NEB: variants seen among roughly 807,000 people sequenced by gnomAD.
NEB encodes nemaline myopathy type 2.
NEB carries 512 observed loss-of-function variants against 952.2 expected under a neutral mutation model. The observed-to-expected ratio is 0.54, with a 90% CI of 0.50 to 0.58. NEB has a LOEUF of 0.58. Ranked by LOEUF, NEB falls within the 20% of genes least tolerant of loss-of-function variation. NEB has a pLI of 0.00. For missense variants in NEB, 8,428 were observed against 9,231.1 expected, an observed-to-expected ratio of 0.91 and a Z score of 3.56; for synonymous variants, 2,900 against 3,149.8, an observed-to-expected ratio of 0.92 and a Z score of 2.66.
Position 151,565,766 on chromosome 2 carries a change from C to T in NEB, c.18211G>A (p.Asp6071Asn). The change falls in exon 115 of 182, where the codon GAT becomes AAT. Residue 6071 changes from aspartate to asparagine, a missense_variant. By Grantham distance (23) the Asp-to-Asn change is conservative. Around this residue, in one of 11 missense-constraint regions of NEB, gnomAD observed 3,374 missense variants for 3,651.5 expected, o/e 0.92. Transcript: ENST00000397345. ...GTAACCCTTACATGGTCCACAGAAT[C>T]CAGTGGGATCCAGCCAATGCCTCGG... The part of the protein sequence containing the change: ...WLRGIGWIPL[D>N]SVDHVRVTKN... The T allele has an allele frequency of 6.2e-7, 1 of 1,612,464 alleles. No individual in the cohort carries two copies. The highest frequency in any genetic ancestry group is 8.5e-7 in the Non-Finnish European group (1 of 1,179,286).
At chr2:151,650,936 C>A in intron 52 of NEB, 51 bp from the exon 53 acceptor site, 1 of 1,473,088 alleles carries the variant, frequency 6.8e-7, no homozygotes, top group South Asian at 1.4e-5. Flanking sequence ...CCAAGTTAAG[C>A]TCAACTTGCT....
At chr2:151,679,066 C>T (rs2099395401) in intron 32 of NEB, among the ~76,000 whole-genome samples, 1 of 152,084 alleles carries the variant, frequency 6.6e-6, no homozygotes, top group African/African-American at 2.4e-5. Context: ...GAGCTCAAGC[C>T]AGCCAGGAGC....
chr2:151,609,894 TAATC>T lies in NEB; in HGVS notation c.12241_12244del (p.Asp4081IlefsTer52). 6.2e-7 allele frequency: 1 copy of T among 1,613,836 alleles called. No individual in the cohort carries two copies. Among genetic ancestry groups the T allele is most frequent in the Non-Finnish European group, 8.5e-7 (1 of 1,179,736 alleles). On this transcript the variant is annotated frameshift_variant, in exon 81 of 182. Coordinates refer to ENST00000397345, the MANE Select transcript of NEB (RefSeq NM_001164508.2). LOFTEE classifies it high-confidence loss of function. The stretch of plus-strand genomic sequence containing the variant: ...TGTCCATTCATGCAGGTAATTGCGA[TAATC>T]AATGTCAGTGACCAAAGTCTGACAT...
chr2:151,567,347 A>G lies in NEB; in HGVS notation c.17977T>C (p.Tyr5993His). The G allele has an allele frequency of 6.2e-7, 1 of 1,613,900 alleles. No individual in the cohort carries two copies. The highest frequency in any genetic ancestry group is 1.1e-5 in the South Asian group (1 of 91,082). ...IQNERLYKEDYHKTKAKINIP... is the reference protein window; with the variant it reads ...IQNERLYKEDHHKTKAKINIP... Reference sequence around the variant, plus strand: ...TTGATTTTGGCCTTTGTTTTGTGATAGTCCTCTTTGTATAGTCTCTCATTC... The same window carrying G: ...TTGATTTTGGCCTTTGTTTTGTGATGGTCCTCTTTGTATAGTCTCTCATTC... Residue 5993 changes from tyrosine (Y) to histidine (H), a missense_variant, in exon 114 of 182, where the codon TAT becomes CAT. Physicochemically the swap from Tyr to His is moderately conservative, Grantham distance 83. Around this residue, in one of 11 missense-constraint regions of NEB, gnomAD observed 3,374 missense variants for 3,651.5 expected, o/e 0.92. Coordinates refer to ENST00000397345, the MANE Select transcript of NEB (RefSeq NM_001164508.2).
intron 172 of NEB, among the ~76,000 whole-genome samples, 156 bp from the exon 173 acceptor site, chr2:151,496,524 G>T (rs2060287121): frequency 6.6e-6 from 1 of 152,170 alleles, no homozygotes; most frequent in African/African-American, 2.4e-5. Flanking sequence ...TACTTTAGTG[G>T]AAGCTGTTGT....
intron 32 of NEB, 31 bp downstream of exon 32, chr2:151,679,690 G>A: frequency 2.0e-6 from 1 of 491,240 alleles, no homozygotes; most frequent in Non-Finnish European, 4.0e-6. Flanking sequence ...ACATTTTCTA[G>A]TTGCCCATGT....
chr2:151,680,029 G>A lies in NEB; in HGVS notation c.3043-7C>T. 1 of 1,580,452 alleles carries A rather than the reference G, an allele frequency of 6.3e-7. No individual in the cohort carries two copies. The highest frequency in any genetic ancestry group is 8.7e-7 in the Non-Finnish European group (1 of 1,150,642). On this transcript the variant is annotated splice_polypyrimidine_tract_variant and splice_region_variant and intron_variant, in intron 30 of 181. Transcript: ENST00000397345. ...CTTTGGCTTTGTAAGCGATCTGAAA[G>A]AGAAAAAAATGCATAAACAAACAAA...
intron 6 of NEB, 81 bp downstream of exon 6, chr2:151,725,372 G>C: frequency 4.6e-6 from 5 of 1,096,508 alleles, no homozygotes; most frequent in Non-Finnish European, 6.7e-6. Context: ...CATTCTCACA[G>C]CACATATTTA....
chr2:151,563,497 G>C, intron 119 of NEB, 109 bp downstream of exon 119: 1 of 918,432 alleles, frequency 1.1e-6, no homozygotes, highest in Non-Finnish European at 1.8e-6. Flanking sequence ...AGGACCCTAC[G>C]CTACTCCATT....
chr2:151,490,663 T>C, intron 179 of NEB, 145 bp from the exon 180 acceptor site: 2 of 1,001,392 alleles, frequency 2.0e-6, no homozygotes, highest in Non-Finnish European at 1.5e-6. Context: ...TCACAGTTAT[T>C]CTGATGTAGG....
chr2:151,544,108 CCTGGGTCATT>C (rs2094430646), intron 135 of NEB, among the ~76,000 whole-genome samples: 1 of 152,134 alleles, frequency 6.6e-6, no homozygotes, highest in African/African-American at 2.4e-5. Context: ...TTTTATCAAG[CCTGGGTCATT>C]CTTATGGAGA....
chr2:151,674,416 A>G, intron 36 of NEB, 61 bp downstream of exon 36: 1 of 1,235,548 alleles, frequency 8.1e-7, no homozygotes, highest in Non-Finnish European at 1.2e-6. Context: ...CAATTTAAAC[A>G]AGCATTTGAT....
intron 161 of NEB, among the ~76,000 whole-genome samples, chr2:151,510,368 C>CA (rs1249217975): frequency 6.6e-6 from 1 of 152,246 alleles, no homozygotes; most frequent in Admixed American, 6.5e-5. Context: ...GCTTTTGTTA[C>CA]ATCCCAGCCT....
chr2:151,493,631 T>C (rs1483105047), intron 175 of NEB, 144 bp downstream of exon 175: 6 of 747,004 alleles, frequency 8.0e-6, no homozygotes, highest in Non-Finnish European at 1.3e-5. Flanking sequence ...CCTCGTGGGG[T>C]TGGTTTGTTG....
At chr2:151,720,179 CT>C (rs2099770432) in intron 9 of NEB, among the ~76,000 whole-genome samples, 1 of 152,022 alleles carries the variant, frequency 6.6e-6, no homozygotes, top group Admixed American at 6.5e-5. Context: ...CTTAAAGACT[CT>C]TAGTGTGTGC....
chr2:151,565,017 G>A, intron 117 of NEB, 27 bp downstream of exon 117: 2 of 1,325,914 alleles, frequency 1.5e-6, no homozygotes, highest in South Asian at 1.4e-5. Context: ...TAGAAATTGA[G>A]TGGTTATTAC....
chr2:151,650,120 G>A, intron 54 of NEB, 56 bp downstream of exon 54: 1 of 1,524,050 alleles, frequency 6.6e-7, no homozygotes, highest in South Asian at 1.1e-5. Flanking sequence ...AAGTGCTATT[G>A]AGCAAACACT....
At chr2:151,708,233 A>C (rs922682035) in intron 12 of NEB, among the ~76,000 whole-genome samples, 15 of 151,994 alleles carry the variant, frequency 9.9e-5, no homozygotes, top group African/African-American at 3.4e-4. Flanking sequence ...GTCCCTCTTT[A>C]CCCAGTTTTT....
Position 151,677,667 on chromosome 2 carries a change from A to G in NEB, c.3672T>C (p.Asn1224=). 1 of 1,613,952 alleles carries G rather than the reference A, an allele frequency of 6.2e-7. No homozygotes were observed. The highest frequency in any genetic ancestry group is 8.5e-7 in the Non-Finnish European group (1 of 1,179,890). The part of the protein sequence containing the change: ...EKVKKAGDAL[N]EKKYRQHPDT... Reference sequence around the variant, plus strand: ...CTGGATGTTGCCTGTACTTCTTTTCATTCAGAGCATCACCGGCCTTTTTAA... The same window carrying G: ...CTGGATGTTGCCTGTACTTCTTTTCGTTCAGAGCATCACCGGCCTTTTTAA... Residue 1224 remains asparagine, a synonymous_variant, in exon 34 of 182, where the codon AAT becomes AAC. Coordinates refer to ENST00000397345, the MANE Select transcript of NEB (RefSeq NM_001164508.2).
Sources: allele counts gnomAD v4.1 joint callset (sites outside exome capture counted in the v4.1 genomes callset), GRCh38; gene constraint gnomAD v4.1.1; regional missense constraint gnomAD v4.1.1; transcripts MANE v1.5; gene names NCBI Gene and HGNC (gene_info 2026-07-23, HGNC 2026-07-21).